NFATC2: variants seen among roughly 807,000 people sequenced by gnomAD.
The protein encoded by NFATC2 is nuclear factor of activated T cells 2.
A neutral mutation model predicts 87.3 loss-of-function variants in NFATC2; 22 were observed. That is an observed-to-expected ratio of 0.25 (90% CI 0.18 to 0.36). The LOEUF (loss-of-function observed/expected upper bound fraction) is 0.36, where lower values mean the gene tolerates loss of function less well. Among genes scored for constraint, NFATC2 ranks in the 10% least tolerant of loss-of-function variants. The pLI is 1.00. For missense variants in NFATC2, 1,149 were observed against 1,259.1 expected (o/e 0.91, Z 1.32); for synonymous variants, 565 against 542.2 (o/e 1.04, Z -0.58).
chr20:51,540,646 A>ATTTTTTTTTTTTTTTTTTTT (rs1382525277), intron 1 of NFATC2, among the ~76,000 whole-genome samples: 1 of 58,654 alleles, frequency 1.7e-5, no homozygotes, highest in Admixed American at 1.4e-4. Context: ...CAAAAACTGA[A>ATTTTTTTTTTTTTTTTTTTT]GTTTTTTTTT....
At chr20:51,457,789 T>G (rs1021722086) in intron 5 of NFATC2, among the ~76,000 whole-genome samples, 5 of 152,056 alleles carry the variant, frequency 3.3e-5, no homozygotes, top group Non-Finnish European at 7.4e-5. Context: ...CCCATGTGAT[T>G]CTTGCGCACT....
chr20:51,463,698 C>G (rs951784901), intron 5 of NFATC2, among the ~76,000 whole-genome samples: 44 of 152,312 alleles, frequency 2.9e-4, no homozygotes, highest in Middle Eastern at 3.4e-3. Flanking sequence ...TCCTTCGGAG[C>G]CTCAGCCTGC....
At chr20:51,556,774 C>T (rs1329804530) in intron 1 of NFATC2, among the ~76,000 whole-genome samples, 4 of 152,112 alleles carry the variant, frequency 2.6e-5, no homozygotes, top group East Asian at 1.9e-4. Flanking sequence ...TGCTGGAGCC[C>T]GGAGCCCCGG....
chr20:51,542,308 C>G, intron 1 of NFATC2, 62 bp downstream of exon 1: 2 of 1,553,214 alleles, frequency 1.3e-6, no homozygotes, highest in East Asian at 4.9e-5. Context: ...CTCCTGTGCC[C>G]AGTCCCCAGG....
At chr20:51,513,618 C>A (rs546022499) in intron 3 of NFATC2, among the ~76,000 whole-genome samples, 1 of 152,352 alleles carries the variant, frequency 6.6e-6, no homozygotes, top group South Asian at 2.1e-4. Flanking sequence ...TCAGCCCATT[C>A]CCTTCTCTGG....
Position 51,396,034 on chromosome 20 carries a change from GTATGTATATATATATATATATATA to G in NFATC2, c.*44+2585_*44+2608del, listed in dbSNP as rs1451333983. ...AAGAGCTGTAGTTTGTCAGCTCCTAGTATGTATATATATATATATATATATATATATATATATATATATATATAT... is the reference window on the plus strand; with the variant it reads ...AAGAGCTGTAGTTTGTCAGCTCCTAGTATATATATATATATATATATATAT... On this transcript the variant is annotated intron_variant, in intron 10 of 10. Coordinates refer to ENST00000371564, the MANE Select transcript of NFATC2 (RefSeq NM_012340.5). Among the ~76,000 whole-genome samples, 129 of 126,518 alleles carry G rather than the reference GTATGTATATATATATATATATATA, an allele frequency of 1.0e-3. 4 individuals are homozygous for G. The highest frequency in any genetic ancestry group is 2.5e-3 in the African/African-American group (87 of 35,510). 83.0% of individuals were successfully genotyped at this position (126,518 alleles called of 152,430 possible).
intron 6 of NFATC2, among the ~76,000 whole-genome samples, chr20:51,450,968 G>A (rs1282542976): frequency 6.6e-6 from 1 of 152,210 alleles, no homozygotes; most frequent in Non-Finnish European, 1.5e-5. Flanking sequence ...GATAGCTTCA[G>A]AATAATTAAA....
intron 10 of NFATC2, among the ~76,000 whole-genome samples, chr20:51,396,922 T>A (rs1226485298): frequency 6.6e-6 from 1 of 151,778 alleles, no homozygotes; most frequent in Non-Finnish European, 1.5e-5. Context: ...AGCCCTCCCC[T>A]GTGCCTTTTT....
intron 1 of NFATC2, among the ~76,000 whole-genome samples, chr20:51,561,455 G>A (rs1277706495): frequency 7.6e-5 from 9 of 118,974 alleles, no homozygotes; most frequent in Non-Finnish European, 1.4e-4. Flanking sequence ...AAGAAAGAAA[G>A]AAAGAAAGAA....
chr20:51,448,553 A>G (rs1985372601), intron 6 of NFATC2, among the ~76,000 whole-genome samples: 1 of 152,236 alleles, frequency 6.6e-6, no homozygotes, highest in African/African-American at 2.4e-5. Context: ...CTGGGGCAGG[A>G]GAATGGCGTG....
intron 1 of NFATC2, among the ~76,000 whole-genome samples, chr20:51,529,005 C>T (rs1037532288): frequency 3.3e-5 from 5 of 152,138 alleles, no homozygotes; most frequent in African/African-American, 4.8e-5. Flanking sequence ...TATTTGAATT[C>T]GCACATACAC....
At position 51,523,640 on chromosome 20, in the gene NFATC2, G is replaced by A. The variant is rs145660132; in HGVS notation, c.601C>T (p.Leu201=). The change falls in exon 2 of 11, where the codon CTG becomes TTG. Residue 201 remains leucine (L), a synonymous_variant. Transcript: ENST00000371564. The surrounding 1 kb of genome is among the most constrained non-coding windows in gnomAD (Gnocchi z 6.9). ...GGGATGTTTTGAAACTGCGGACACA[G>A]GTCGTCGGGCCCGCCGTTATTGGGC... ...VSPNNGGPDD[L]CPQFQNIPAH... 184 of 1,613,850 alleles carry A rather than the reference G, an allele frequency of 1.1e-4. No individual in the cohort carries two copies. In the African/African-American group the frequency reaches 2.3e-3, roughly 20 times the overall value.
intron 1 of NFATC2, among the ~76,000 whole-genome samples, chr20:51,560,508 C>T (rs1464553531): frequency 6.6e-6 from 1 of 152,154 alleles, no homozygotes; most frequent in Non-Finnish European, 1.5e-5. Flanking sequence ...TTTTTAAATG[C>T]AAATATTTCT....
In NFATC2 at chr20:51,520,883, C is replaced by T. The variant is rs552732486; in HGVS notation, c.1160+2198G>A. Among the ~76,000 whole-genome samples, 462 of 152,102 alleles carry T rather than the reference C, an allele frequency of 3.0e-3. 1 individual carries two copies. The highest frequency in any genetic ancestry group is 0.011 in the African/African-American group (438 of 41,510). On this transcript the variant is annotated intron_variant, in intron 2 of 10. Transcript: ENST00000371564. ...CCATGTCGGTCAGGCTGGTCTCAAA[C>T]TCCGACCTCAGGTGATCCGCCCGCC...
At chr20:51,481,595 G>A (rs1989261284) in intron 3 of NFATC2, among the ~76,000 whole-genome samples, 1 of 152,186 alleles carries the variant, frequency 6.6e-6, no homozygotes, top group African/African-American at 2.4e-5. Context: ...GAATGCACGG[G>A]AGGGGAGTGT....
intron 1 of NFATC2, among the ~76,000 whole-genome samples, chr20:51,549,075 T>C (rs1241692744): frequency 6.6e-6 from 1 of 151,990 alleles, no homozygotes; most frequent in Non-Finnish European, 1.5e-5. Context: ...GAAGGATCGC[T>C]CAAGCCCATG....
At chr20:51,541,975 CCA>C (rs539628347) in intron 1 of NFATC2, among the ~76,000 whole-genome samples, 113 of 152,278 alleles carry the variant, frequency 7.4e-4, no homozygotes, top group African/African-American at 2.6e-3. Context: ...CCTGCTAACT[CCA>C]TTCTTCGCTT....
Position 51,480,411 on chromosome 20 carries a change from C to T in NFATC2, c.1333-4751G>A, listed in dbSNP as rs1448623369. Among the ~76,000 whole-genome samples the T allele has an allele frequency of 2.0e-5, 3 of 152,088 alleles. No homozygotes were observed. The highest frequency in any genetic ancestry group is 4.4e-5 in the Non-Finnish European group (3 of 68,006). ...AAACAGCAACCTAAACAAACAAAAACGGTAGTTCCTTGAGAGAAAAACCTC... is the reference window on the plus strand; with the variant it reads ...AAACAGCAACCTAAACAAACAAAAATGGTAGTTCCTTGAGAGAAAAACCTC... On this transcript the variant is annotated intron_variant, in intron 3 of 10. Coordinates refer to ENST00000371564, the MANE Select transcript of NFATC2 (RefSeq NM_012340.5). This position sits in a 1 kb window ranked among gnomAD's most constrained non-coding sequence, Gnocchi z 4.2.
rs113505187 is a variant in NFATC2, at chr20:51,527,165, T to G, written c.131-3055A>C. Among the ~76,000 whole-genome samples the G allele has an allele frequency of 9.1e-3, 1,260 of 139,134 alleles. 7 individuals are homozygous for G. The highest frequency in any genetic ancestry group is 0.029 in the Middle Eastern group (8 of 278). The allele number at this position is 139,134 out of a possible 152,430, so 91.3% of individuals were successfully genotyped here. ...ATCCTCCCACCTCAGCCTCCCAAAG[T>G]GTTGTGATTACAGACGAGAACAACC... On this transcript the variant is annotated intron_variant, in intron 1 of 10. Transcript: ENST00000371564.
Sources: allele counts gnomAD v4.1 joint callset (sites outside exome capture counted in the v4.1 genomes callset), GRCh38; gene constraint gnomAD v4.1.1; non-coding constraint Gnocchi (gnomAD v3.1); transcripts MANE v1.5; gene names NCBI Gene and HGNC (gene_info 2026-07-23, HGNC 2026-07-21).